The following CSNK1G2 variants were observed in gnomAD, a reference collection of about 807,000 sequenced individuals.
The protein encoded by CSNK1G2 is casein kinase I isoform gamma-2.
Under a neutral mutation model 48.0 loss-of-function variants are expected in CSNK1G2, and 11 were observed. That is an observed-to-expected ratio of 0.23 (90% confidence interval 0.14 to 0.38). The LOEUF (loss-of-function observed/expected upper bound fraction) is 0.38. Ranked by LOEUF, CSNK1G2 falls within the 10% of genes least tolerant of loss-of-function variation. The probability of loss-of-function intolerance (pLI) is 1.00; values close to 1 mark genes in which losing one functional copy is unlikely to be tolerated. For missense variants in CSNK1G2, 446 were observed against 595.5 expected, an observed-to-expected ratio of 0.75 and a Z score of 2.61; for synonymous variants, 337 against 254.1, an observed-to-expected ratio of 1.33 and a Z score of -3.10.
chr19:1,949,293 G>A (rs2014679445), intron 1 of CSNK1G2, among the ~76,000 whole-genome samples: 1 of 152,154 alleles, frequency 6.6e-6, no homozygotes. Flanking sequence ...CTGTCTTCGT[G>A]AAACGTTCAC....
At chr19:1,955,394 G>T (rs568298695) in intron 1 of CSNK1G2, among the ~76,000 whole-genome samples, 163 of 152,058 alleles carry the variant, frequency 1.1e-3, no homozygotes, top group African/African-American at 3.7e-3. Context: ...GGCCACCGTG[G>T]GCGGCAGGTG....
intron 2 of CSNK1G2, chr19:1,976,052 G>C (rs1044187012): frequency 5.3e-5 from 68 of 1,289,070 alleles, no homozygotes; most frequent in Non-Finnish European, 6.6e-5. Flanking sequence ...AAAAAACTTT[G>C]AAATCCCTCT....
chr19:1,981,269 C>G lies in CSNK1G2; in HGVS notation c.*1066C>G, dbSNP rs1049043098. 6.6e-6 allele frequency: 1 copy of G among 152,176 alleles called. No homozygotes were observed. Among genetic ancestry groups the G allele is most frequent in the African/African-American group, 2.4e-5 (1 of 41,426 alleles). 9.4% of individuals were successfully genotyped at this position (152,176 alleles called of 1,614,324 possible). On this transcript the variant is annotated 3_prime_UTR_variant, in exon 12 of 12. Transcript: ENST00000255641. The stretch of plus-strand genomic sequence containing the variant: ...GTGTACAGAAATGGCATTTACGTTT[C>G]TCTGATGCTCCCTTGAAGCCATAGA...
chr19:1,969,819 G>A lies in CSNK1G2; in HGVS notation c.47G>A (p.Arg16Gln), dbSNP rs576382448. 3.1e-6 allele frequency: 4 copies of A among 1,310,626 alleles called. No homozygotes were observed. Among genetic ancestry groups the A allele is most frequent in the South Asian group, 3.2e-5 (1 of 31,438 alleles). 81.2% of individuals were successfully genotyped at this position (1,310,626 alleles called of 1,614,324 possible). A position where few individuals can be genotyped will look rare whatever the true frequency, so the allele number is the denominator to read the frequency against. ...GGGAAAGGGGAGACGGAGGAGGGCC[G>A]GAGAATGTCCAAGGCCGGCGGGGGC... ...KGGKGETEEG[R>Q]RMSKAGGGRS... Residue 16 changes from arginine to glutamine, a missense_variant, in exon 2 of 12, where the codon CGG (arginine) becomes CAG (glutamine). Transcript: ENST00000255641.
chr19:1,946,756 G>C lies in CSNK1G2; in HGVS notation c.-266+5338G>C, dbSNP rs2014579454. 4.6e-5 allele frequency among the ~76,000 whole-genome samples: 7 copies of C among 151,324 alleles called. No homozygotes were observed. The Admixed American group carries it at 4.6e-4, about 10-fold the overall frequency. On this transcript the variant is annotated intron_variant, in intron 1 of 11. Transcript: ENST00000255641. ...GCCTCTCCAGCAGCTGGGACTACAG[G>C]TACATGCCATCACGCCTGGCTAATT...
chr19:1,980,494 C>T lies in CSNK1G2; in HGVS notation c.*291C>T. 1 of 481,162 alleles carries T rather than the reference C, an allele frequency of 2.1e-6. No individual in the cohort carries two copies. The highest frequency in any genetic ancestry group is 3.7e-6 in the Non-Finnish European group (1 of 267,630). 29.8% of individuals were successfully genotyped at this position (481,162 alleles called of 1,614,324 possible). The stretch of plus-strand genomic sequence containing the variant: ...AGAGGAAAAAAAAAACAGAGGCCCG[C>T]CCTACCCCACTCCTGCCCCTCCGTT... On this transcript the variant is annotated 3_prime_UTR_variant, in exon 12 of 12. Transcript: ENST00000255641.
intron 1 of CSNK1G2, among the ~76,000 whole-genome samples, chr19:1,948,594 G>A (rs2014655380): frequency 1.4e-5 from 2 of 147,608 alleles, no homozygotes; most frequent in East Asian, 2.0e-4. Context: ...TCTCTTACCA[G>A]CCTTATTTCG....
At chr19:1,962,068 G>T (rs2015216211) in intron 1 of CSNK1G2, among the ~76,000 whole-genome samples, 1 of 152,190 alleles carries the variant, frequency 6.6e-6, no homozygotes. Context: ...GGTGGCTCAC[G>T]CCTGTAATCC....
chr19:1,973,602 C>T (rs1568201292), intron 2 of CSNK1G2, among the ~76,000 whole-genome samples: 1 of 152,252 alleles, frequency 6.6e-6, no homozygotes, highest in Non-Finnish European at 1.5e-5. Context: ...CCGTCTGCCT[C>T]TGTGCTCTCC....
At chr19:1,961,448 C>T (rs1390168409) in intron 1 of CSNK1G2, among the ~76,000 whole-genome samples, 2 of 152,260 alleles carry the variant, frequency 1.3e-5, no homozygotes, top group Admixed American at 6.5e-5. Context: ...AGGCAGGGCC[C>T]AGCAGCCTAT....
intron 1 of CSNK1G2, among the ~76,000 whole-genome samples, chr19:1,966,905 G>A (rs1460948079): frequency 6.6e-6 from 1 of 152,058 alleles, no homozygotes; most frequent in Non-Finnish European, 1.5e-5. Context: ...GGGTCTTGCT[G>A]TATCCCCCAG....
chr19:1,943,088 G>A (rs1368574514), intron 1 of CSNK1G2, among the ~76,000 whole-genome samples: 1 of 152,190 alleles, frequency 6.6e-6, no homozygotes, highest in Non-Finnish European at 1.5e-5. Flanking sequence ...CAATGGGAGG[G>A]CCAGGTCTGG....
Position 1,979,817 on chromosome 19 carries a change from GC to G in CSNK1G2, c.1070del (p.Pro357ArgfsTer8). The G allele has an allele frequency of 6.2e-7, 1 of 1,606,990 alleles. No individual in the cohort carries two copies. The highest frequency in any genetic ancestry group is 8.5e-7 in the Non-Finnish European group (1 of 1,177,748). Reference sequence around the variant, plus strand: ...AGCCTCAGCTCCGGGACAAAACCCAGCCGCACAGCAAAAACCAGGTGAGGCC... The same window carrying G: ...AGCCTCAGCTCCGGGACAAAACCCAGCGCACAGCAAAAACCAGGTGAGGCC... ...SQPQLRDKTQ[P>X]HSKNQALNST... On this transcript the variant is annotated frameshift_variant, in exon 10 of 12. Coordinates refer to ENST00000255641, the MANE Select transcript of CSNK1G2 (RefSeq NM_001319.7). LOFTEE classifies it high-confidence loss of function.
intron 2 of CSNK1G2, chr19:1,975,325 G>C: frequency 4.1e-6 from 4 of 985,512 alleles, no homozygotes; most frequent in Non-Finnish European, 4.8e-6. Context: ...GTCCTCCTCA[G>C]CCTGGGGGAG....
At chr19:1,945,229 C>G (rs554233616) in intron 1 of CSNK1G2, among the ~76,000 whole-genome samples, 3 of 152,250 alleles carry the variant, frequency 2.0e-5, no homozygotes, top group African/African-American at 7.2e-5. Flanking sequence ...GAGCTGTGTC[C>G]TGGGCCCACA....
chr19:1,950,382 G>A (rs75396522), intron 1 of CSNK1G2, among the ~76,000 whole-genome samples: 3,286 of 146,598 alleles, frequency 0.022, 591 homozygotes, highest in African/African-American at 0.081. Flanking sequence ...CTCGTGATCC[G>A]CCCTCCTCGG....
chr19:1,965,360 G>A (rs2015334154), intron 1 of CSNK1G2, among the ~76,000 whole-genome samples: 1 of 143,020 alleles, frequency 7.0e-6, no homozygotes, highest in Non-Finnish European at 1.5e-5. Flanking sequence ...TCCAGCCTGG[G>A]CGACAGAGCG....
chr19:1,960,703 C>T (rs576170844), intron 1 of CSNK1G2, among the ~76,000 whole-genome samples: 2 of 152,204 alleles, frequency 1.3e-5, no homozygotes, highest in East Asian at 1.9e-4. Context: ...GCCTGGCCAA[C>T]GTGGCAAAAC....
rs1240104395 is a variant in CSNK1G2 at position 1,979,809 on chromosome 19, A to G, written c.1060A>G (p.Lys354Glu). 2 of 1,607,352 alleles carry G rather than the reference A, an allele frequency of 1.2e-6. No individual in the cohort carries two copies. The highest frequency in any genetic ancestry group is 8.5e-7 in the Non-Finnish European group (1 of 1,178,124). ...DLPSQPQLRD[K>E]TQPHSKNQAL... ...GCCCTCCCAGCCTCAGCTCCGGGAC[A>G]AAACCCAGCCGCACAGCAAAAACCA... The change falls in exon 10 of 12, where the codon AAA becomes GAA. Residue 354 changes from lysine to glutamate, a missense_variant. By Grantham distance (56) the Lys-to-Glu change is moderately conservative. Transcript: ENST00000255641.
Sources: allele counts gnomAD v4.1 joint callset (sites outside exome capture counted in the v4.1 genomes callset), GRCh38; gene constraint gnomAD v4.1.1; transcripts MANE v1.5; gene names NCBI Gene and HGNC (gene_info 2026-07-23, HGNC 2026-07-21).